Variants in NRG3 observed in about 807,000 individuals in gnomAD.
NRG3 encodes the protein pro-neuregulin-3, membrane-bound isoform.
In NRG3, 31 loss-of-function variants were observed where a neutral mutation model predicts 66.9. The ratio of observed to expected loss-of-function variants is 0.46; its 90% CI spans 0.35 to 0.63. NRG3 has a LOEUF of 0.63. Among genes scored for constraint, NRG3 ranks in the 20% least tolerant of loss-of-function variants. The pLI, the probability that NRG3 is intolerant of heterozygous loss-of-function variation, is 0.00. For synonymous variants in NRG3, 393 were observed against 359.4 expected (o/e 1.09, Z -1.06); for missense variants, 910 against 878.9 (o/e 1.04, Z -0.45).
chr10:82,827,204 TAAAAAAAAAAAA>T (rs5786573), intron 3 of NRG3: 543 of 193,030 alleles, frequency 2.8e-3, no homozygotes, highest in East Asian at 6.6e-3. Context: ...TACCAAATTG[TAAAAAAAAAAAA>T]AAAAAAAAAA....
At chr10:81,976,200 C>T (rs931953290) in intron 1 of NRG3, among the ~76,000 whole-genome samples, 3 of 152,050 alleles carry the variant, frequency 2.0e-5, no homozygotes, top group African/African-American at 7.3e-5. Flanking sequence ...ATAACACATA[C>T]CATTGGTTGG....
At chr10:82,496,085 AT>A (rs993133958) in intron 2 of NRG3, among the ~76,000 whole-genome samples, 8 of 152,346 alleles carry the variant, frequency 5.3e-5, no homozygotes, top group African/African-American at 1.9e-4. Context: ...CCTGCACAAA[AT>A]GTTGGCATTA....
chr10:82,306,834 A>C (rs2134889390), intron 1 of NRG3, among the ~76,000 whole-genome samples: 1 of 145,882 alleles, frequency 6.9e-6, no homozygotes, highest in South Asian at 2.3e-4. Flanking sequence ...TTGTCTGTTT[A>C]GATTTTGAAT....
chr10:82,869,913 G>A (rs113611764), intron 4 of NRG3, among the ~76,000 whole-genome samples: 352 of 133,232 alleles, frequency 2.6e-3, no homozygotes, highest in Middle Eastern at 0.016. Flanking sequence ...TGGCCCCACT[G>A]GTCTTTTTAC....
chr10:81,977,752 A>T (rs751729926), intron 1 of NRG3, among the ~76,000 whole-genome samples: 1 of 152,182 alleles, frequency 6.6e-6, no homozygotes, highest in African/African-American at 2.4e-5. Context: ...TCCTCATACT[A>T]TTTGAGTCTT....
At chr10:82,703,109 T>G (rs2056025005) in intron 2 of NRG3, among the ~76,000 whole-genome samples, 1 of 151,996 alleles carries the variant, frequency 6.6e-6, no homozygotes, top group Non-Finnish European at 1.5e-5. Flanking sequence ...ACTGGCAGTC[T>G]GAGTGGTAAG....
At chr10:82,064,106 C>G (rs1487126996) in intron 1 of NRG3, among the ~76,000 whole-genome samples, 1 of 152,114 alleles carries the variant, frequency 6.6e-6, no homozygotes, top group African/African-American at 2.4e-5. Context: ...AGGGAAACAA[C>G]ATTGACATGT....
intron 1 of NRG3, among the ~76,000 whole-genome samples, chr10:82,001,955 CT>C: frequency 6.6e-6 from 1 of 152,142 alleles, no homozygotes; most frequent in Non-Finnish European, 1.5e-5. Context: ...AATCATCCTC[CT>C]TTGTTTGGAG....
rs1490418423 is a variant in NRG3 at position 82,849,024 on chromosome 10, T to A, written c.1028-16387T>A. Among the ~76,000 whole-genome samples the A allele has an allele frequency of 2.0e-5, 3 of 152,144 alleles. No individual in the cohort carries two copies. The East Asian group carries it at 5.8e-4, about 29-fold the overall frequency. On this transcript the variant is annotated intron_variant, in intron 3 of 8. Coordinates refer to ENST00000372141, the MANE Select transcript of NRG3 (RefSeq NM_001010848.4). Reference sequence around the variant, plus strand: ...CAGTATGAGAATGGGCTAATACAAGTCCTAATACCAGTAACTCCAATTACC... The same window carrying A: ...CAGTATGAGAATGGGCTAATACAAGACCTAATACCAGTAACTCCAATTACC...
intron 2 of NRG3, among the ~76,000 whole-genome samples, chr10:82,639,625 T>C (rs1429162468): frequency 6.6e-6 from 1 of 152,174 alleles, no homozygotes; most frequent in Non-Finnish European, 1.5e-5. Context: ...TGCTAGAAGT[T>C]AGACTTTTTT....
intron 2 of NRG3, among the ~76,000 whole-genome samples, chr10:82,733,105 T>C (rs1308448736): frequency 1.3e-5 from 2 of 152,220 alleles, no homozygotes; most frequent in Non-Finnish European, 2.9e-5. Context: ...AGCTAATTGA[T>C]TTTGGCTAGT....
rs375774341 is a variant in NRG3 at position 82,805,934 on chromosome 10, A to G, written c.1028-59477A>G. Among the ~76,000 whole-genome samples, 13 of 152,316 alleles carry G rather than the reference A, an allele frequency of 8.5e-5. No homozygotes were observed. The South Asian group carries it at 1.9e-3, about 22-fold the overall frequency. ...TTAGTATGTCACTTCTATTGCTAAA[A>G]ATCTTTATTTTCAAATTTTTCTGTC... On this transcript the variant is annotated intron_variant, in intron 3 of 8. Coordinates refer to ENST00000372141, the MANE Select transcript of NRG3 (RefSeq NM_001010848.4).
At chr10:82,709,114 T>C (rs950886019) in intron 2 of NRG3, among the ~76,000 whole-genome samples, 1 of 152,146 alleles carries the variant, frequency 6.6e-6, no homozygotes, top group Non-Finnish European at 1.5e-5. Flanking sequence ...AGCGGCTCTG[T>C]CCAATCAGGC....
At chr10:82,156,291 T>A (rs1393754636) in intron 1 of NRG3, among the ~76,000 whole-genome samples, 1 of 151,594 alleles carries the variant, frequency 6.6e-6, no homozygotes, top group Non-Finnish European at 1.5e-5. Flanking sequence ...GTGTTCTGTC[T>A]GTCTTTGGAA....
At chr10:82,965,597 G>A (rs564948867) in intron 6 of NRG3, among the ~76,000 whole-genome samples, 12 of 152,060 alleles carry the variant, frequency 7.9e-5, no homozygotes, top group Non-Finnish European at 1.5e-4. Context: ...TTAGCCGGGC[G>A]TGGTGGTGGG....
intron 2 of NRG3, among the ~76,000 whole-genome samples, chr10:82,439,843 G>T (rs548787289): frequency 5.6e-4 from 85 of 152,104 alleles, no homozygotes; most frequent in South Asian, 3.7e-3. Flanking sequence ...TATAAAAGTA[G>T]TATGTATATC....
rs73311388 is a variant in NRG3, at chr10:82,932,276, C to A, written c.1055-19193C>A. On this transcript the variant is annotated intron_variant, in intron 4 of 8. Transcript: ENST00000372141. ...CGCTACACACCATAGTTCACATTAC[C>A]CTCACCTTCATTAATGTCTCTAACA... Among the ~76,000 whole-genome samples the A allele has an allele frequency of 4.5e-3, 680 of 152,264 alleles. 11 individuals carry two copies. Among genetic ancestry groups the A allele is most frequent in the African/African-American group, 0.016 (645 of 41,548 alleles).
intron 2 of NRG3, among the ~76,000 whole-genome samples, chr10:82,433,226 C>T (rs2136344410): frequency 6.6e-6 from 1 of 152,050 alleles, no homozygotes; most frequent in East Asian, 1.9e-4. Flanking sequence ...TGATATTGAG[C>T]TTTTTTTCAT....
At chr10:82,977,367 G>T (rs994741878) in intron 7 of NRG3, among the ~76,000 whole-genome samples, 2 of 152,056 alleles carry the variant, frequency 1.3e-5, no homozygotes, top group African/African-American at 4.8e-5. Context: ...CCAGCACTTT[G>T]GGAGGCCTAG....
Sources: allele counts gnomAD v4.1 joint callset (sites outside exome capture counted in the v4.1 genomes callset), GRCh38; gene constraint gnomAD v4.1.1; transcripts MANE v1.5; gene names NCBI Gene and HGNC (gene_info 2026-07-23, HGNC 2026-07-21).